The following AKR1B1 variants were observed in gnomAD, a reference collection of about 807,000 sequenced individuals.
AKR1B1 encodes the protein aldo-keto reductase family 1 member B.
A neutral mutation model predicts 40.4 loss-of-function variants in AKR1B1; 22 were observed. That is an observed-to-expected ratio of 0.54 (90% CI 0.39 to 0.78). AKR1B1 has a LOEUF of 0.78. Among genes scored for constraint, AKR1B1 ranks in the 30% least tolerant of loss-of-function variants. AKR1B1 has a pLI of 0.00. For missense variants in AKR1B1, 357 were observed against 396.7 expected, an observed-to-expected ratio of 0.90 and a Z score of 0.85; for synonymous variants, 157 against 149.9, an observed-to-expected ratio of 1.05 and a Z score of -0.35.
chr7:134,451,460 T>G, intron 2 of AKR1B1, 126 bp downstream of exon 2: 1 of 1,232,748 alleles, frequency 8.1e-7, no homozygotes, highest in Non-Finnish European at 1.2e-6. Flanking sequence ...GGGTGATACG[T>G]TTCCCCGGGA....
intron 1 of AKR1B1, among the ~76,000 whole-genome samples, chr7:134,456,895 T>G (rs958113126): frequency 6.6e-6 from 1 of 152,212 alleles, no homozygotes; most frequent in Admixed American, 6.5e-5. Context: ...CATTGAGTGC[T>G]CAAGTGAATA....
At chr7:134,447,802 G>A in intron 7 of AKR1B1, 178 bp downstream of exon 7, 1 of 707,290 alleles carries the variant, frequency 1.4e-6, no homozygotes, top group South Asian at 1.5e-5. Context: ...TAATCTAAGA[G>A]CCCATGCCAG....
At chr7:134,457,816 C>T (rs1392754578) in intron 1 of AKR1B1, among the ~76,000 whole-genome samples, 1 of 152,062 alleles carries the variant, frequency 6.6e-6, no homozygotes, top group Non-Finnish European at 1.5e-5. Context: ...CCCTAAGCAA[C>T]AAGCGGAGAC....
rs773147883 is a variant in AKR1B1 at position 134,449,100 on chromosome 7, T to A, written c.449A>T (p.Asp150Val). The stretch of plus-strand genomic sequence containing the variant: ...GCCAATAGCTTTCACCAGCCCTTCA[T>A]CCACCAGCTCTTCCATGGCCTACAG... Reference protein sequence around the residue: ...DTWAAMEELVDEGLVKAIGIS... With the variant: ...DTWAAMEELVVEGLVKAIGIS... Residue 150 changes from aspartate (D) to valine (V), a missense_variant, in exon 5 of 10, where the codon GAT (aspartate) becomes GTT (valine). Coordinates refer to ENST00000285930, the MANE Select transcript of AKR1B1 (RefSeq NM_001628.4). 3.7e-6 allele frequency: 6 copies of A among 1,613,764 alleles called. No homozygotes were observed. In the African/African-American group the frequency reaches 6.7e-5, roughly 18 times the overall value.
intron 8 of AKR1B1, among the ~76,000 whole-genome samples, chr7:134,445,733 C>T (rs992961354): frequency 6.6e-6 from 1 of 152,196 alleles, no homozygotes; most frequent in Non-Finnish European, 1.5e-5. Context: ...CTCAACAGCA[C>T]AGGAAGGGCA....
chr7:134,459,094 A>G lies in AKR1B1; in HGVS notation c.-32T>C. 6.3e-6 allele frequency: 10 copies of G among 1,589,838 alleles called. No homozygotes were observed. Among genetic ancestry groups the G allele is most frequent in the Non-Finnish European group, 8.6e-6 (10 of 1,168,854 alleles). ...TGCGCTCCCCAGACCCCCGCCCAGTACGGTGCGGCCTTGGCCGCGGCGCGT... is the reference window on the plus strand; with the variant it reads ...TGCGCTCCCCAGACCCCCGCCCAGTGCGGTGCGGCCTTGGCCGCGGCGCGT... On this transcript the variant is annotated 5_prime_UTR_variant, in exon 1 of 10. Coordinates refer to ENST00000285930, the MANE Select transcript of AKR1B1 (RefSeq NM_001628.4).
At chr7:134,448,346 T>C (rs1806168682) in intron 6 of AKR1B1, 41 bp downstream of exon 6, 1 of 1,520,160 alleles carries the variant, frequency 6.6e-7, no homozygotes, top group Non-Finnish European at 9.1e-7. Context: ...TTTCTAATCT[T>C]CACCAAGTGA....
intron 1 of AKR1B1, among the ~76,000 whole-genome samples, chr7:134,456,458 C>A (rs1396935513): frequency 6.6e-6 from 1 of 152,016 alleles, no homozygotes; most frequent in African/African-American, 2.4e-5. Flanking sequence ...CTCTGCCTCC[C>A]AAAGTGCTGG....
chr7:134,448,443 C>A lies in AKR1B1; in HGVS notation c.603G>T (p.Gln201His), dbSNP rs767044900. The A allele has an allele frequency of 9.9e-6, 16 of 1,613,946 alleles. No homozygotes were observed. Among genetic ancestry groups the A allele is most frequent in the Non-Finnish European group, 9.3e-6 (11 of 1,179,950 alleles). The change falls in exon 6 of 10, where the codon CAG becomes CAT. Residue 201 changes from glutamine to histidine, a missense_variant. Transcript: ENST00000285930. ...LTQEKLIQYC[Q>H]SKGIVVTAYS... The stretch of plus-strand genomic sequence containing the variant: ...AGGCGGTCACCACGATGCCTTTGGA[C>A]TGGCAGTACTGGATTAACTTCTCCT...
intron 1 of AKR1B1, among the ~76,000 whole-genome samples, chr7:134,457,663 G>A (rs1450338914): frequency 6.6e-6 from 1 of 152,026 alleles, no homozygotes; most frequent in South Asian, 2.1e-4. Flanking sequence ...TTCTTCCCTT[G>A]TCTGTGTGTA....
chr7:134,456,234 C>G (rs1181587541), intron 1 of AKR1B1, among the ~76,000 whole-genome samples: 2 of 151,778 alleles, frequency 1.3e-5, no homozygotes. Flanking sequence ...GAGTCTTGCT[C>G]CATCGCCCAG....
At chr7:134,445,012 C>A in intron 9 of AKR1B1, 1 of 618,352 alleles carries the variant, frequency 1.6e-6, no homozygotes, top group South Asian at 1.9e-5. Context: ...GCCAGGCCAA[C>A]AATGCCCCAG....
intron 1 of AKR1B1, 23 bp from the exon 2 acceptor site, chr7:134,451,776 C>A: frequency 6.8e-6 from 11 of 1,612,784 alleles, no homozygotes; most frequent in Non-Finnish European, 9.3e-6. Flanking sequence ...AGAACGTGAG[C>A]CCCGCAGAAT....
At chr7:134,448,964 G>A (rs574032801) in intron 5 of AKR1B1, 33 bp downstream of exon 5, 18 of 1,613,616 alleles carry the variant, frequency 1.1e-5, no homozygotes, top group Admixed American at 6.7e-5. Flanking sequence ...AAACAGCAAC[G>A]TTGCAATGCC....
At chr7:134,448,144 C>T (rs1421162801) in intron 6 of AKR1B1, 83 bp from the exon 7 acceptor site, 14 of 1,221,614 alleles carry the variant, frequency 1.1e-5, no homozygotes, top group African/African-American at 1.0e-4. Context: ...ATCCTCCCAT[C>T]GACCTCAGAG....
chr7:134,450,762 T>C, intron 3 of AKR1B1, 24 bp downstream of exon 3: 1 of 1,594,934 alleles, frequency 6.3e-7, no homozygotes, highest in Non-Finnish European at 8.6e-7. Context: ...CCAAGGGACC[T>C]GGTCTGCACC....
At chr7:134,450,981 C>T in intron 2 of AKR1B1, 79 bp from the exon 3 acceptor site, 1 of 1,142,648 alleles carries the variant, frequency 8.8e-7, no homozygotes, top group South Asian at 1.3e-5. Flanking sequence ...GCAGTCTCCT[C>T]TCCCCAAAAC....
At chr7:134,451,442 A>C in intron 2 of AKR1B1, 144 bp downstream of exon 2, 1 of 1,014,110 alleles carries the variant, frequency 9.9e-7, no homozygotes, top group Non-Finnish European at 1.5e-6. Flanking sequence ...GGAGCCCTGT[A>C]TGGCCGTGGG....
chr7:134,445,950 C>T (rs930657287), intron 8 of AKR1B1, among the ~76,000 whole-genome samples: 13 of 152,148 alleles, frequency 8.5e-5, no homozygotes, highest in African/African-American at 2.7e-4. Context: ...AGGCAGGCAC[C>T]ACTGGGTGAG....
Sources: gnomAD v4.1 joint callset for allele counts (sites outside exome capture counted in the v4.1 genomes callset) on GRCh38, gnomAD v4.1.1 for gene constraint, MANE v1.5 for transcripts, NCBI Gene and HGNC (gene_info 2026-07-23, HGNC 2026-07-21) for gene names.